ROBO2: variants seen among roughly 807,000 people sequenced by gnomAD.
ROBO2 encodes the protein roundabout guidance receptor 2.
Under a neutral mutation model 160.8 loss-of-function variants are expected in ROBO2, and 53 were observed. The ratio of observed to expected loss-of-function variants is 0.33; its 90% confidence interval spans 0.26 to 0.41. The LOEUF (loss-of-function observed/expected upper bound fraction) is 0.41. Among genes scored for constraint, ROBO2 ranks in the 10% least tolerant of loss-of-function variants. ROBO2 has a pLI of 1.00. For missense variants in ROBO2, 1,577 were observed against 1,722.4 expected (o/e 0.92, Z 1.49); for synonymous variants, 664 against 611.7 (o/e 1.09, Z -1.26).
At chr3:77,263,131 G>C (rs2058885748) in intron 2 of ROBO2, among the ~76,000 whole-genome samples, 1 of 152,024 alleles carries the variant, frequency 6.6e-6, no homozygotes, top group Non-Finnish European at 1.5e-5. Context: ...AAGTCAATTA[G>C]GGAATTTAAA....
intron 2 of ROBO2, among the ~76,000 whole-genome samples, chr3:77,422,245 C>T (rs1310410908): frequency 1.3e-5 from 2 of 152,120 alleles, no homozygotes; most frequent in Non-Finnish European, 2.9e-5. Flanking sequence ...AGGGGATTAG[C>T]GGTTCCTTTT....
chr3:76,520,829 A>T (rs2081572991), intron 2 of ROBO2, among the ~76,000 whole-genome samples: 1 of 152,164 alleles, frequency 6.6e-6, no homozygotes, highest in African/African-American at 2.4e-5. Flanking sequence ...GCACTTTTGA[A>T]TTTTAAAAAG....
At chr3:76,745,797 A>T (rs1343058160) in intron 2 of ROBO2, among the ~76,000 whole-genome samples, 3 of 99,824 alleles carry the variant, frequency 3.0e-5, no homozygotes, top group East Asian at 2.7e-4. Context: ...TAAAAAATTT[A>T]TTTTTATTTA....
chr3:76,910,932 A>G (rs1349576494), intron 2 of ROBO2, among the ~76,000 whole-genome samples: 1 of 152,042 alleles, frequency 6.6e-6, no homozygotes, highest in African/African-American at 2.4e-5. Flanking sequence ...ATTCGAATAC[A>G]TTAAGTACTC....
chr3:76,361,445 T>A lies in ROBO2; in HGVS notation c.109+423843T>A, dbSNP rs185657718. Among the ~76,000 whole-genome samples the A allele has an allele frequency of 5.7e-3, 869 of 152,212 alleles. 6 individuals carry two copies. The highest frequency in any genetic ancestry group is 0.02 in the African/African-American group (823 of 41,550). ...ACTGTGATTTAAATTACCCTATAGATGTTGAAATTTTCATTATGCTTATAC... is the reference window on the plus strand; with the variant it reads ...ACTGTGATTTAAATTACCCTATAGAAGTTGAAATTTTCATTATGCTTATAC... On this transcript the variant is annotated intron_variant, in intron 2 of 26. Coordinates refer to the ROBO2 transcript ENST00000487694.
chr3:76,965,492 A>G (rs1340164945), intron 2 of ROBO2, among the ~76,000 whole-genome samples: 1 of 152,172 alleles, frequency 6.6e-6, no homozygotes, highest in Admixed American at 6.5e-5. Flanking sequence ...CAGCAGAACC[A>G]GTTCCCTACT....
At chr3:76,792,425 G>GT (rs1194690593) in intron 2 of ROBO2, among the ~76,000 whole-genome samples, 3 of 151,486 alleles carry the variant, frequency 2.0e-5, no homozygotes, top group African/African-American at 7.3e-5. Context: ...ACTGTAATTT[G>GT]TTTTTTTGGG....
chr3:77,069,398 G>A (rs1307665344), intron 1 of ROBO2, among the ~76,000 whole-genome samples: 2 of 152,170 alleles, frequency 1.3e-5, no homozygotes, highest in Non-Finnish European at 2.9e-5. Context: ...GTGGGAGAAT[G>A]ACTGGACTTG....
intron 2 of ROBO2, among the ~76,000 whole-genome samples, chr3:76,478,593 TATAG>T (rs2079053670): frequency 2.0e-5 from 3 of 151,950 alleles, no homozygotes; most frequent in Admixed American, 2.0e-4. Context: ...TTAACAATTG[TATAG>T]ATCCAGATAT....
At chr3:77,206,598 GA>G (rs2083473060) in intron 2 of ROBO2, among the ~76,000 whole-genome samples, 1 of 152,084 alleles carries the variant, frequency 6.6e-6, no homozygotes, top group South Asian at 2.1e-4. Context: ...CTGGGATTTA[GA>G]ATTTCAATAT....
At chr3:76,350,667 T>A (rs1559805912) in intron 2 of ROBO2, among the ~76,000 whole-genome samples, 1 of 151,998 alleles carries the variant, frequency 6.6e-6, no homozygotes, top group Admixed American at 6.6e-5. Flanking sequence ...ATTACTTTAA[T>A]GGGAGCTTAT....
At chr3:77,464,812 G>A (rs2082605151) in intron 2 of ROBO2, among the ~76,000 whole-genome samples, 2 of 152,160 alleles carry the variant, frequency 1.3e-5, no homozygotes, top group African/African-American at 4.8e-5. Flanking sequence ...AGCAACTTCA[G>A]TGATTGGTTC....
rs2086681555 is a variant in ROBO2, at chr3:76,595,519, C to A, written c.110-502495C>A. Among the ~76,000 whole-genome samples, 4 of 151,718 alleles carry A rather than the reference C, an allele frequency of 2.6e-5. No individual in the cohort carries two copies. In the South Asian group the frequency reaches 8.3e-4, roughly 31 times the overall value. On this transcript the variant is annotated intron_variant, in intron 2 of 26. Coordinates refer to the ROBO2 transcript ENST00000487694. Reference sequence around the variant, plus strand: ...TGATAAAAAACAGACTTTTCAAAGACAACATGCAAAAAAAGCATAAAATTA... The same window carrying A: ...TGATAAAAAACAGACTTTTCAAAGAAAACATGCAAAAAAAGCATAAAATTA...
chr3:77,417,093 A>G (rs1273424435), intron 2 of ROBO2, among the ~76,000 whole-genome samples: 1 of 152,202 alleles, frequency 6.6e-6, no homozygotes, highest in East Asian at 1.9e-4. Context: ...AGAACTCAAC[A>G]AAAGAAAACT....
chr3:77,451,343 G>T (rs915821047), intron 2 of ROBO2, among the ~76,000 whole-genome samples: 13 of 152,030 alleles, frequency 8.6e-5, no homozygotes, highest in African/African-American at 3.1e-4. Flanking sequence ...AAACTTAAAA[G>T]AAATAAAATT....
chr3:77,203,907 A>G (rs1228145506), intron 2 of ROBO2, among the ~76,000 whole-genome samples: 1 of 152,184 alleles, frequency 6.6e-6, no homozygotes, highest in Non-Finnish European at 1.5e-5. Flanking sequence ...TATGCCCTTA[A>G]TTATGATGCA....
At chr3:76,610,937 A>G (rs1032818669) in intron 2 of ROBO2, among the ~76,000 whole-genome samples, 2 of 152,196 alleles carry the variant, frequency 1.3e-5, no homozygotes, top group Non-Finnish European at 2.9e-5. Context: ...AATAAGGCAG[A>G]TAATAATTTT....
At chr3:76,604,641 C>A (rs540395776) in intron 2 of ROBO2, among the ~76,000 whole-genome samples, 15 of 152,152 alleles carry the variant, frequency 9.9e-5, no homozygotes, top group African/African-American at 3.1e-4. Flanking sequence ...ATAATTAGAT[C>A]TGGACCAACC....
At chr3:76,367,735 A>G (rs1029068068) in intron 2 of ROBO2, among the ~76,000 whole-genome samples, 13 of 152,048 alleles carry the variant, frequency 8.5e-5, no homozygotes, top group African/African-American at 3.1e-4. Flanking sequence ...TCTTACCCAG[A>G]TATTTTCTTT....
Sources: allele counts gnomAD v4.1 joint callset (sites outside exome capture counted in the v4.1 genomes callset), GRCh38; gene constraint gnomAD v4.1.1; transcripts MANE v1.5; gene names NCBI Gene and HGNC (gene_info 2026-07-23, HGNC 2026-07-21).